Variants in PFAS observed in about 807,000 individuals in gnomAD.
PFAS encodes FGAM synthase.
Under a neutral mutation model 140.6 loss-of-function variants are expected in PFAS, and 97 were observed. The observed-to-expected ratio is 0.69, with a 90% confidence interval of 0.59 to 0.82. The LOEUF (loss-of-function observed/expected upper bound fraction) is 0.82, where lower values mean the gene tolerates loss of function less well. Ranked by LOEUF, PFAS falls within the 40% of genes least tolerant of loss-of-function variation. PFAS has a pLI of 0.00. For missense variants in PFAS, 1,656 were observed against 1,780.2 expected, an observed-to-expected ratio of 0.93 and a Z score of 1.26; for synonymous variants, 679 against 718.8, an observed-to-expected ratio of 0.94 and a Z score of 0.88.
At chr17:8,260,311 T>G (rs1989541756) in intron 11 of PFAS, among the ~76,000 whole-genome samples, 1 of 152,188 alleles carries the variant, frequency 6.6e-6, no homozygotes, top group Non-Finnish European at 1.5e-5. Flanking sequence ...AGCACAATTA[T>G]AATCTTAAGG....
chr17:8,250,975 T>A (rs1049355419), intron 1 of PFAS, among the ~76,000 whole-genome samples: 1 of 151,926 alleles, frequency 6.6e-6, no homozygotes, highest in African/African-American at 2.4e-5. Flanking sequence ...CTTTTTTTTT[T>A]TTTATTTTTT....
At chr17:8,264,838 G>A (rs1170272137) in intron 17 of PFAS, 57 bp from the exon 18 acceptor site, 11 of 1,268,330 alleles carry the variant, frequency 8.7e-6, no homozygotes, top group East Asian at 2.5e-5. Flanking sequence ...GGGCATGTGC[G>A]GGAGCTCAGG....
In PFAS at chr17:8,254,291, G is replaced by A; in HGVS notation, c.268G>A (p.Val90Ile). 6.2e-7 allele frequency: 1 copy of A among 1,614,104 alleles called. No homozygotes were observed. Among genetic ancestry groups the A allele is most frequent in the Non-Finnish European group, 8.5e-7 (1 of 1,180,018 alleles). The change falls in exon 3 of 28, where the codon GTC (valine) becomes ATC (isoleucine). Residue 90 changes from valine to isoleucine, a missense_variant. This residue lies in a region of PFAS where 773 missense variants were observed against 757.3 expected (regional missense o/e 1.02). Transcript: ENST00000314666. ...LPGSNDLLLE[V>I]GPRLNFSTPT... The stretch of plus-strand genomic sequence containing the variant: ...TGGCTCCAATGACCTGCTGCTGGAG[G>A]TCGGGCCCAGGTAAGTATCTCATCC...
Position 8,265,484 on chromosome 17 carries a change from C to T in PFAS, c.2461+16C>T, listed in dbSNP as rs912438817. ...CGGGCTCCTGGTGAGGTGTGGGAGC[C>T]CCAGGGAGGGGAGGAGGAACTATGG... On this transcript the variant is annotated intron_variant, in intron 19 of 27. Coordinates refer to ENST00000314666, the MANE Select transcript of PFAS (RefSeq NM_012393.3). The T allele has an allele frequency of 6.2e-7, 1 of 1,613,500 alleles. No homozygotes were observed. Among genetic ancestry groups the T allele is most frequent in the Non-Finnish European group, 8.5e-7 (1 of 1,179,526 alleles).
At position 8,266,987 on chromosome 17, in the gene PFAS, T is replaced by C. The variant is rs762208275; in HGVS notation, c.2968-41T>C. ...CCCTCTCCCACTGTGGAGGGGGCCA[T>C]CCTTTCTCCTAGCCCGTGGGAGATT... On this transcript the variant is annotated intron_variant, in intron 23 of 27. Transcript: ENST00000314666. This position sits in a 1 kb window ranked among gnomAD's most constrained non-coding sequence, Gnocchi z 5.0. 1 of 1,609,068 alleles carries C rather than the reference T, an allele frequency of 6.2e-7. No homozygotes were observed. Among genetic ancestry groups the C allele is most frequent in the African/African-American group, 1.3e-5 (1 of 74,986 alleles).
At chr17:8,260,710 C>T (rs1168290089) in intron 11 of PFAS, among the ~76,000 whole-genome samples, 3 of 152,184 alleles carry the variant, frequency 2.0e-5, no homozygotes, top group African/African-American at 7.2e-5. Context: ...CTGCAAGCCC[C>T]GCCTCCCGGG....
rs2151594898 is a variant in PFAS, at chr17:8,266,042, A to G, written c.2701+25A>G. On this transcript the variant is annotated intron_variant, in intron 21 of 27. Coordinates refer to ENST00000314666, the MANE Select transcript of PFAS (RefSeq NM_012393.3). This position sits in a 1 kb window ranked among gnomAD's most constrained non-coding sequence, Gnocchi z 5.0. Reference sequence around the variant, plus strand: ...GGTGAGTGAAGACCCCTGGGGAGATAGCGCACAGGGTGCCAGGCGTGCAGC... The same window carrying G: ...GGTGAGTGAAGACCCCTGGGGAGATGGCGCACAGGGTGCCAGGCGTGCAGC... 2 of 1,580,648 alleles carry G rather than the reference A, an allele frequency of 1.3e-6. No homozygotes were observed. Among genetic ancestry groups the G allele is most frequent in the Non-Finnish European group, 8.6e-7 (1 of 1,160,576 alleles).
intron 16 of PFAS, 57 bp downstream of exon 16, chr17:8,264,394 C>T: frequency 6.2e-7 from 1 of 1,612,330 alleles, no homozygotes; most frequent in Non-Finnish European, 8.5e-7. Context: ...CCACCCTTTA[C>T]CCTACGTGCA....
chr17:8,266,150 T>G lies in PFAS; in HGVS notation c.2702-84T>G. ...GATCCCCTGACATTCTGACACACAC[T>G]CTTGATGGACTGACTCCGGAAGGTG... On this transcript the variant is annotated intron_variant, in intron 21 of 27. Transcript: ENST00000314666. The surrounding 1 kb of genome is among the most constrained non-coding windows in gnomAD (Gnocchi z 5.0). The G allele has an allele frequency of 6.3e-7, 1 of 1,580,998 alleles. No individual in the cohort carries two copies. Among genetic ancestry groups the G allele is most frequent in the South Asian group, 1.2e-5 (1 of 85,752 alleles).
At position 8,256,840 on chromosome 17, in the gene PFAS, T is replaced by C. The variant is rs758651023; in HGVS notation, c.952T>C (p.Cys318Arg). The change falls in exon 9 of 28, where the codon TGC (cysteine) becomes CGC (arginine). Residue 318 changes from cysteine (C) to arginine (R), a missense_variant. Cys to Arg is a radical substitution (Grantham distance 180). Transcript: ENST00000314666. ...AETHNFPTGV[C>R]PFSGATTGTG... is the part of the protein sequence containing the mutation. ...TCCCCACTCTCTCTTTGCAGGAGTA[T>C]GCCCCTTTAGTGGTGCAACCACTGG... 1.9e-6 allele frequency: 3 copies of C among 1,603,180 alleles called. No homozygotes were observed. Among genetic ancestry groups the C allele is most frequent in the Non-Finnish European group, 1.7e-6 (2 of 1,174,666 alleles).
At chr17:8,253,046 G>A (rs191050274) in intron 1 of PFAS, among the ~76,000 whole-genome samples, 298 of 152,228 alleles carry the variant, frequency 2.0e-3, no homozygotes, top group Non-Finnish European at 3.7e-3. Flanking sequence ...ATAACATTGA[G>A]GATTAGGGTT....
At position 8,254,306 on chromosome 17, in the gene PFAS, G is replaced by A. The variant is rs780908222; in HGVS notation, c.278+5G>A. ...GCTGCTGGAGGTCGGGCCCAGGTAA[G>A]TATCTCATCCTGCCCACCCCTTTCT... On this transcript the variant is annotated splice_donor_5th_base_variant and intron_variant, in intron 3 of 27. Coordinates refer to ENST00000314666, the MANE Select transcript of PFAS (RefSeq NM_012393.3). The A allele has an allele frequency of 3.1e-6, 5 of 1,613,782 alleles. No homozygotes were observed. Among genetic ancestry groups the A allele is most frequent in the South Asian group, 1.1e-5 (1 of 91,082 alleles).
intron 18 of PFAS, 37 bp from the exon 19 acceptor site, chr17:8,265,251 C>A: frequency 1.3e-6 from 2 of 1,598,668 alleles, no homozygotes; most frequent in South Asian, 1.1e-5. Context: ...CTCCACATTT[C>A]TCTTCCCCTC....
chr17:8,264,788 TG>T, intron 17 of PFAS, 106 bp from the exon 18 acceptor site: 2 of 1,000,298 alleles, frequency 2.0e-6, no homozygotes, highest in Admixed American at 2.8e-5. Context: ...TTGTCTGCAT[TG>T]GGGGAAAGAC....
At chr17:8,268,047 T>TATATATTATTA (rs1989900454) in intron 26 of PFAS, among the ~76,000 whole-genome samples, 1 of 14,894 alleles carries the variant, frequency 6.7e-5, no homozygotes, top group South Asian at 1.5e-3. Context: ...TGTATATTTT[T>TATATATTATTA]AAATATATAT....
At chr17:8,261,998 C>T (rs948302120) in intron 11 of PFAS, among the ~76,000 whole-genome samples, 2 of 150,370 alleles carry the variant, frequency 1.3e-5, no homozygotes, top group Admixed American at 6.6e-5. Flanking sequence ...CCTGGGCAAC[C>T]GAGCAAGACC....
intron 4 of PFAS, among the ~76,000 whole-genome samples, 161 bp downstream of exon 4, chr17:8,255,293 G>A (rs1397061207): frequency 6.6e-6 from 1 of 152,180 alleles, no homozygotes; most frequent in Non-Finnish European, 1.5e-5. Flanking sequence ...AGGGGTAAAT[G>A]GGGCAGAAAT....
At position 8,266,055 on chromosome 17, in the gene PFAS, C is replaced by T; in HGVS notation, c.2701+38C>T. ...CCCTGGGGAGATAGCGCACAGGGTG[C>T]CAGGCGTGCAGCAGGCGTTCACCAT... is the stretch of plus-strand genomic sequence containing the variant. On this transcript the variant is annotated intron_variant, in intron 21 of 27. Transcript: ENST00000314666. The surrounding 1 kb of genome is among the most constrained non-coding windows in gnomAD (Gnocchi z 5.0). 1 of 1,565,434 alleles carries T rather than the reference C, an allele frequency of 6.4e-7. No homozygotes were observed. Among genetic ancestry groups the T allele is most frequent in the Non-Finnish European group, 8.7e-7 (1 of 1,150,848 alleles).
In PFAS at chr17:8,256,359, A is replaced by C. The variant is rs371281535; in HGVS notation, c.773A>C (p.Gln258Pro). Residue 258 changes from glutamine to proline, a missense_variant, in exon 7 of 28, where the codon CAG (glutamine) becomes CCG (proline). Physicochemically the swap from Gln to Pro is moderately conservative, Grantham distance 76. This residue lies in a region of PFAS where 773 missense variants were observed against 757.3 expected (regional missense o/e 1.02). Coordinates refer to ENST00000314666, the MANE Select transcript of PFAS (RefSeq NM_012393.3). ...HSLFESIMST[Q>P]ESSNPNNVLK... ...CTGTTTGAGTCCATCATGAGCACCCAGGAATCCTCGAACCCCAACAACGTC... is the reference window on the plus strand; with the variant it reads ...CTGTTTGAGTCCATCATGAGCACCCCGGAATCCTCGAACCCCAACAACGTC... The C allele has an allele frequency of 6.2e-7, 1 of 1,614,112 alleles. No individual in the cohort carries two copies. The highest frequency in any genetic ancestry group is 1.6e-4 in the Middle Eastern group (1 of 6,062).
Sources: allele counts gnomAD v4.1 joint callset (sites outside exome capture counted in the v4.1 genomes callset), GRCh38; gene constraint gnomAD v4.1.1; regional missense constraint gnomAD v4.1.1; non-coding constraint Gnocchi (gnomAD v3.1); transcripts MANE v1.5; gene names NCBI Gene and HGNC (gene_info 2026-07-23, HGNC 2026-07-21).